Variants in RNF130 observed in about 807,000 individuals in gnomAD.
The protein encoded by RNF130 is E3 ubiquitin-protein ligase RNF130.
RNF130 carries 21 observed loss-of-function variants against 44.6 expected under a neutral mutation model. The observed-to-expected ratio is 0.47, with a 90% CI of 0.33 to 0.68. The LOEUF is 0.68. RNF130 is among the 30% of genes least tolerant of loss of function. The pLI is 0.02. For missense variants in RNF130, 479 were observed against 560.6 expected (o/e 0.85, Z 1.47); for synonymous variants, 214 against 210.4 (o/e 1.02, Z -0.15).
intron 7 of RNF130, among the ~76,000 whole-genome samples, chr5:179,948,818 A>G (rs1340145493): frequency 2.0e-5 from 3 of 152,212 alleles, no homozygotes; most frequent in Non-Finnish European, 4.4e-5. Context: ...CTAGCCAATG[A>G]GAAATGTGAT....
At chr5:180,040,748 C>T (rs994680411) in intron 1 of RNF130, 101 bp from the exon 2 acceptor site, 11 of 1,051,066 alleles carry the variant, frequency 1.0e-5, no homozygotes, top group East Asian at 5.2e-5. Context: ...AGCTAAAGCA[C>T]GTGAAGCAGC....
At chr5:180,018,370 G>C (rs1266786819) in intron 2 of RNF130, among the ~76,000 whole-genome samples, 1 of 152,120 alleles carries the variant, frequency 6.6e-6, no homozygotes, top group Non-Finnish European at 1.5e-5. Flanking sequence ...GGCTAGGGAA[G>C]CCTCAGGAAA....
chr5:180,071,529 G>T lies in RNF130; in HGVS notation c.174C>A (p.Arg58=). The stretch of plus-strand genomic sequence containing the variant: ...TGGGGGAGTCAAGCCCGTAGCGCCC[G>T]CGGTCGATGCGAAACGTGAGCGGGG... ...RGAPLTFRID[R]GRYGLDSPKA... The change falls in exon 1 of 9, where the codon CGC becomes CGA. Residue 58 remains arginine, a synonymous_variant. Coordinates refer to ENST00000521389, the MANE Select transcript of RNF130 (RefSeq NM_018434.6). 1 of 1,373,408 alleles carries T rather than the reference G, an allele frequency of 7.3e-7. No individual in the cohort carries two copies. 85.1% of individuals were successfully genotyped at this position (1,373,408 alleles called of 1,614,324 possible). A position where few individuals can be genotyped will look rare whatever the true frequency, so the allele number is the denominator to read the frequency against.
At chr5:180,069,872 T>C (rs1443970303) in intron 1 of RNF130, among the ~76,000 whole-genome samples, 1 of 152,084 alleles carries the variant, frequency 6.6e-6, no homozygotes, top group Non-Finnish European at 1.5e-5. Flanking sequence ...CAGAAACACC[T>C]AAAACAAGCT....
At position 179,982,405 on chromosome 5, in the gene RNF130, G is replaced by C. The variant is rs74444675; in HGVS notation, c.694-2205C>G. Among the ~76,000 whole-genome samples, 1,176 of 152,034 alleles carry C rather than the reference G, an allele frequency of 7.7e-3. 7 individuals are homozygous for C. The highest frequency in any genetic ancestry group is 0.02 in the Middle Eastern group (6 of 294). The stretch of plus-strand genomic sequence containing the variant: ...TTTCTTTTTTCCTGAGGTAAATACT[G>C]CAAGTAGAAAGATGGGCTCACCTGA... On this transcript the variant is annotated intron_variant, in intron 3 of 8. Transcript: ENST00000521389.
At chr5:179,993,204 T>G (rs907444227) in intron 3 of RNF130, among the ~76,000 whole-genome samples, 6 of 152,274 alleles carry the variant, frequency 3.9e-5, no homozygotes, top group South Asian at 4.1e-4. Flanking sequence ...TGTGTCTTTA[T>G]AGCAGCACGA....
At chr5:180,068,286 C>T (rs1191576326) in intron 1 of RNF130, among the ~76,000 whole-genome samples, 1 of 151,074 alleles carries the variant, frequency 6.6e-6, no homozygotes. Flanking sequence ...AAATATTTTG[C>T]TCCTAGTTCT....
At chr5:179,974,799 G>A (rs1762679941) in intron 5 of RNF130, among the ~76,000 whole-genome samples, 1 of 152,250 alleles carries the variant, frequency 6.6e-6, no homozygotes, top group Non-Finnish European at 1.5e-5. Flanking sequence ...AGCCAGCCAA[G>A]AGAACGAGGC....
At chr5:179,976,062 C>T (rs557303411) in intron 5 of RNF130, among the ~76,000 whole-genome samples, 1 of 152,290 alleles carries the variant, frequency 6.6e-6, no homozygotes, top group East Asian at 1.9e-4. Context: ...AGGCTCATGC[C>T]TGTGATCCCA....
intron 7 of RNF130, among the ~76,000 whole-genome samples, chr5:179,925,209 C>A (rs1295503887): frequency 2.0e-5 from 3 of 152,176 alleles, no homozygotes; most frequent in Admixed American, 2.0e-4. Context: ...GGACTAGAGG[C>A]CTGGGACTTT....
chr5:179,984,958 C>T (rs1326798729), intron 3 of RNF130, among the ~76,000 whole-genome samples: 2 of 152,032 alleles, frequency 1.3e-5, no homozygotes, highest in Admixed American at 1.3e-4. Flanking sequence ...TGAAAAATTT[C>T]TGGTCCAAAG....
intron 6 of RNF130, among the ~76,000 whole-genome samples, chr5:179,969,754 C>T (rs1283911413): frequency 1.3e-5 from 2 of 152,158 alleles, no homozygotes; most frequent in South Asian, 2.1e-4. Context: ...CTTTGGGAGG[C>T]AGAGGCGGGT....
At chr5:179,962,342 A>C (rs1762351319) in intron 8 of RNF130, among the ~76,000 whole-genome samples, 1 of 152,222 alleles carries the variant, frequency 6.6e-6, no homozygotes, top group Non-Finnish European at 1.5e-5. Flanking sequence ...AGTGGAGGCC[A>C]CTTGCCCATT....
chr5:180,051,439 C>A (rs944846716), intron 1 of RNF130, among the ~76,000 whole-genome samples: 1 of 151,816 alleles, frequency 6.6e-6, no homozygotes, highest in Non-Finnish European at 1.5e-5. Flanking sequence ...TTAGTAGAGA[C>A]GGGGTTTCAC....
In RNF130 at chr5:179,928,346, T is replaced by C. The variant is rs148935319; in HGVS notation, c.1151-7920A>G. On this transcript the variant is annotated intron_variant, in intron 7 of 7. Transcript: ENST00000522208. Reference sequence around the variant, plus strand: ...AGTGGCTCTCTTTCTGTGCCAATAATGGATATTTTGTTTTTTTTTTTCATT... The same window carrying C: ...AGTGGCTCTCTTTCTGTGCCAATAACGGATATTTTGTTTTTTTTTTTCATT... 2.9e-3 allele frequency among the ~76,000 whole-genome samples: 437 copies of C among 151,502 alleles called. 2 individuals carry two copies. Among genetic ancestry groups the C allele is most frequent in the African/African-American group, 9.4e-3 (385 of 40,978 alleles).
At chr5:180,005,975 A>G (rs1388286865) in intron 3 of RNF130, among the ~76,000 whole-genome samples, 1 of 152,252 alleles carries the variant, frequency 6.6e-6, no homozygotes, top group Non-Finnish European at 1.5e-5. Context: ...AGCCCCTGAC[A>G]TGTAATATTT....
chr5:180,006,638 T>C (rs1450139781), intron 3 of RNF130, among the ~76,000 whole-genome samples: 2 of 152,238 alleles, frequency 1.3e-5, no homozygotes, highest in Admixed American at 6.5e-5. Flanking sequence ...GGCAGAATAT[T>C]TTACATCTGC....
At chr5:179,967,274 G>T (rs1355062850) in intron 6 of RNF130, among the ~76,000 whole-genome samples, 1 of 152,196 alleles carries the variant, frequency 6.6e-6, no homozygotes, top group Non-Finnish European at 1.5e-5. Flanking sequence ...GACTGGTCAT[G>T]GCCCACAGGC....
At chr5:179,952,490 A>G (rs1019242101), downstream of RNF130, among the ~76,000 whole-genome samples, 7 of 152,216 alleles carry the variant, frequency 4.6e-5, no homozygotes, top group Non-Finnish European at 8.8e-5. Context: ...ACACTTCATA[A>G]TTGTTTATAT....
Sources: allele counts gnomAD v4.1 joint callset (sites outside exome capture counted in the v4.1 genomes callset), GRCh38; gene constraint gnomAD v4.1.1; transcripts MANE v1.5; gene names NCBI Gene and HGNC (gene_info 2026-07-23, HGNC 2026-07-21).